Variants in CCDC7 observed in about 807,000 individuals in gnomAD.
CCDC7 encodes coiled-coil domain containing 7, also known as coiled-coil domain-containing protein 7.
CCDC7 carries 183 observed loss-of-function variants against 196.9 expected under a neutral mutation model. The ratio of observed to expected loss-of-function variants is 0.93; its 90% confidence interval spans 0.82 to 1.05. The LOEUF (loss-of-function observed/expected upper bound fraction) is 1.05, where lower values mean the gene tolerates loss of function less well. CCDC7 is among the 50% of genes least tolerant of loss of function. CCDC7 has a pLI of 0.00. For missense variants in CCDC7, 1,540 were observed against 1,482.2 expected (o/e 1.04, Z -0.64); for synonymous variants, 525 against 484.6 (o/e 1.08, Z -1.10).
chr10:32,676,048 T>C (rs1006076650), intron 21 of CCDC7, among the ~76,000 whole-genome samples: 6 of 151,586 alleles, frequency 4.0e-5, no homozygotes, highest in African/African-American at 1.5e-4. Context: ...TATAGATCAA[T>C]GGAACAGAAC....
exon 11 of CCDC7, chr10:32,518,487 A>G (rs771000738): frequency 1.9e-6 from 3 of 1,608,034 alleles, no homozygotes; most frequent in South Asian, 2.2e-5. Flanking sequence ...ATGAACTACA[A>G]AAGTTGAAGG....
At chr10:32,711,240 T>G (rs2080789708) in intron 24 of CCDC7, among the ~76,000 whole-genome samples, 1 of 151,858 alleles carries the variant, frequency 6.6e-6, no homozygotes, top group Non-Finnish European at 1.5e-5. Context: ...ATTCAGCCAG[T>G]CTCCTGTGCT....
chr10:32,694,340 G>A (rs538433316), intron 23 of CCDC7, among the ~76,000 whole-genome samples: 1 of 152,166 alleles, frequency 6.6e-6, no homozygotes, highest in Admixed American at 6.5e-5. Flanking sequence ...TGATGTTTTT[G>A]TTACCAAAAA....
At chr10:32,865,207 C>T (rs2094158218) in intron 41 of CCDC7, among the ~76,000 whole-genome samples, 2 of 151,770 alleles carry the variant, frequency 1.3e-5, no homozygotes, top group South Asian at 4.2e-4. Flanking sequence ...TAATAGACTT[C>T]TCTGCAGAAT....
chr10:32,784,802 G>GT (rs2081581771), intron 29 of CCDC7, among the ~76,000 whole-genome samples: 1 of 151,550 alleles, frequency 6.6e-6, no homozygotes, highest in Non-Finnish European at 1.5e-5. Context: ...AGGAGTTCGA[G>GT]ACCAGCCTGG....
intron 28 of CCDC7, among the ~76,000 whole-genome samples, chr10:32,744,293 G>A (rs911055334): frequency 6.6e-6 from 1 of 151,214 alleles, no homozygotes; most frequent in Non-Finnish European, 1.5e-5. Flanking sequence ...CAGATTAAAT[G>A]TAGAGAGACT....
intron 21 of CCDC7, among the ~76,000 whole-genome samples, chr10:32,664,738 C>T (rs1020311239): frequency 1.3e-5 from 2 of 151,810 alleles, no homozygotes; most frequent in African/African-American, 4.8e-5. Context: ...AGTTTGATTC[C>T]GTATCTTGGT....
At chr10:32,838,294 G>T (rs2136040871) in intron 33 of CCDC7, among the ~76,000 whole-genome samples, 2 of 152,028 alleles carry the variant, frequency 1.3e-5, no homozygotes, top group Non-Finnish European at 2.9e-5. Context: ...TTGATTTCTG[G>T]TGATGCCTCT....
chr10:32,531,740 T>C (rs2049698133), intron 11 of CCDC7, among the ~76,000 whole-genome samples: 1 of 152,204 alleles, frequency 6.6e-6, no homozygotes, highest in Non-Finnish European at 1.5e-5. Context: ...TTATTATTGG[T>C]TTGCTGATGT....
intron 41 of CCDC7, among the ~76,000 whole-genome samples, chr10:32,871,855 T>G (rs1429140169): frequency 6.6e-6 from 1 of 152,204 alleles, no homozygotes; most frequent in Non-Finnish European, 1.5e-5. Context: ...CATTTCATTA[T>G]GTACCCAGTA....
At chr10:32,863,568 G>A (rs1040988748) in intron 41 of CCDC7, among the ~76,000 whole-genome samples, 1 of 151,826 alleles carries the variant, frequency 6.6e-6, no homozygotes, top group Admixed American at 6.6e-5. Context: ...GCCAAGGCTG[G>A]TCTTGAACTC....
At chr10:32,740,630 T>G (rs555133603) in intron 28 of CCDC7, among the ~76,000 whole-genome samples, 3 of 152,220 alleles carry the variant, frequency 2.0e-5, no homozygotes, top group South Asian at 2.1e-4. Flanking sequence ...TACAGACTCA[T>G]GAACCAAAGA....
At chr10:32,461,026 A>G (rs2035516612) in intron 3 of CCDC7, among the ~76,000 whole-genome samples, 2 of 152,164 alleles carry the variant, frequency 1.3e-5, no homozygotes, top group Non-Finnish European at 1.5e-5. Flanking sequence ...GCACGTAGTA[A>G]CATTTTACTT....
rs1349662509 is a variant in CCDC7, at chr10:32,526,077, CTTAGCATT to C, written c.993+7576_993+7583del. ...GGGAGGCAGGGATGAGAGTAAAAAC[CTTAGCATT>C]TTACCTGATGTTTTCTGCTATGGCT... is the stretch of plus-strand genomic sequence containing the variant. On this transcript the variant is annotated intron_variant, in intron 11 of 41. Transcript: ENST00000639629. Among the ~76,000 whole-genome samples the C allele has an allele frequency of 2.0e-5, 3 of 152,282 alleles. No individual in the cohort carries two copies. The East Asian group carries it at 5.8e-4, about 29-fold the overall frequency.
At chr10:32,511,591 A>T in intron 9 of CCDC7, 1 of 1,603,894 alleles carries the variant, frequency 6.2e-7, no homozygotes. Flanking sequence ...TTGCTTGTTC[A>T]AGTGGATCCA....
intron 24 of CCDC7, among the ~76,000 whole-genome samples, chr10:32,697,327 T>A (rs2077878072): frequency 6.6e-6 from 1 of 152,058 alleles, no homozygotes; most frequent in African/African-American, 2.4e-5. Context: ...CTGGGACTGG[T>A]TGGACAGTGG....
intron 41 of CCDC7, among the ~76,000 whole-genome samples, chr10:32,872,851 A>G (rs988136344): frequency 2.0e-5 from 3 of 152,116 alleles, no homozygotes; most frequent in Non-Finnish European, 4.4e-5. Context: ...CTCTTTAAGA[A>G]TGTTGAATAT....
chr10:32,703,406 C>G (rs545243027), intron 24 of CCDC7, among the ~76,000 whole-genome samples: 3 of 152,042 alleles, frequency 2.0e-5, no homozygotes, highest in African/African-American at 7.2e-5. Context: ...ATGGGCTTCC[C>G]TTTGTGGGTA....
chr10:32,557,952 T>G (rs951517387), intron 13 of CCDC7, among the ~76,000 whole-genome samples: 1 of 152,208 alleles, frequency 6.6e-6, no homozygotes, highest in African/African-American at 2.4e-5. Context: ...CTTGGCCTCC[T>G]GAAATGCTGG....
Sources: allele counts gnomAD v4.1 joint callset (sites outside exome capture counted in the v4.1 genomes callset), GRCh38; gene constraint gnomAD v4.1.1; transcripts MANE v1.5; gene names NCBI Gene and HGNC (gene_info 2026-07-23, HGNC 2026-07-21).